Variants in PCDHA10 observed in about 807,000 individuals in gnomAD.
PCDHA10 encodes the protein protocadherin alpha 10.
A neutral mutation model predicts 61.2 loss-of-function variants in PCDHA10; 45 were observed. That is an observed-to-expected ratio of 0.74 (90% CI 0.58 to 0.94). PCDHA10 has a LOEUF of 0.94. Ranked by LOEUF, PCDHA10 falls within the 40% of genes least tolerant of loss-of-function variation. The pLI is 0.00. For missense variants in PCDHA10, 1,278 were observed against 1,236.2 expected (o/e 1.03, Z -0.51); for synonymous variants, 602 against 548.8 (o/e 1.10, Z -1.35).
chr5:140,892,424 C>T (rs1288815822), intron 1 of PCDHA10, among the ~76,000 whole-genome samples: 1 of 152,040 alleles, frequency 6.6e-6, no homozygotes, highest in Non-Finnish European at 1.5e-5. Context: ...CTAGATAAAA[C>T]CTCATTATCT....
intron 1 of PCDHA10, among the ~76,000 whole-genome samples, chr5:140,975,937 A>C (rs2096690423): frequency 1.3e-5 from 2 of 152,194 alleles, no homozygotes; most frequent in South Asian, 2.1e-4. Context: ...CTTTGAAGCA[A>C]TAGGACATAT....
At chr5:140,979,244 T>C (rs1214932523) in intron 2 of PCDHA10, among the ~76,000 whole-genome samples, 1 of 152,224 alleles carries the variant, frequency 6.6e-6, no homozygotes, top group African/African-American at 2.4e-5. Context: ...AGAAACAGGC[T>C]GCTATGTATT....
At chr5:140,859,490 G>A (rs2045887766) in intron 1 of PCDHA10, 1 of 204,502 alleles carries the variant, frequency 4.9e-6, no homozygotes, top group Non-Finnish European at 9.6e-6. Context: ...CCTGAAATTG[G>A]TTGTTACCTG....
intron 1 of PCDHA10, among the ~76,000 whole-genome samples, chr5:140,933,686 C>T (rs186587135): frequency 6.6e-6 from 1 of 151,890 alleles, no homozygotes; most frequent in Non-Finnish European, 1.5e-5. Flanking sequence ...ATTTTTTTTC[C>T]TATTCCTCGG....
At chr5:140,976,454 G>A (rs550788004) in intron 1 of PCDHA10, among the ~76,000 whole-genome samples, 18 of 152,214 alleles carry the variant, frequency 1.2e-4, no homozygotes, top group South Asian at 2.1e-4. Flanking sequence ...GGGAGGCTGG[G>A]GAAGAAGAAT....
intron 1 of PCDHA10, among the ~76,000 whole-genome samples, chr5:140,873,915 C>A (rs543062290): frequency 6.6e-6 from 1 of 152,284 alleles, no homozygotes; most frequent in Non-Finnish European, 1.5e-5. Flanking sequence ...CCTGCCTCAG[C>A]CTCCCAAAGT....
At chr5:140,993,437 C>A (rs1193523462) in intron 3 of PCDHA10, among the ~76,000 whole-genome samples, 1 of 150,056 alleles carries the variant, frequency 6.7e-6, no homozygotes, top group Non-Finnish European at 1.5e-5. Context: ...AATCCTTATT[C>A]ATTCCTGTTC....
intron 1 of PCDHA10, among the ~76,000 whole-genome samples, chr5:140,878,864 A>G (rs1465235970): frequency 1.3e-5 from 2 of 152,152 alleles, no homozygotes; most frequent in Non-Finnish European, 2.9e-5. Flanking sequence ...CTGATCCTCC[A>G]TTTCAGCCTT....
chr5:140,898,033 GTTGT>G (rs2066486498), intron 1 of PCDHA10, among the ~76,000 whole-genome samples: 1 of 152,032 alleles, frequency 6.6e-6, no homozygotes, highest in South Asian at 2.1e-4. Flanking sequence ...TTTTGATGGG[GTTGT>G]TTGTTTTTTT....
chr5:140,882,174 CG>C, intron 1 of PCDHA10: 1 of 1,514,752 alleles, frequency 6.6e-7, no homozygotes, highest in South Asian at 1.4e-5. Flanking sequence ...CGAATCCTTC[CG>C]CACTAGGAAG....
At chr5:140,958,135 G>T (rs868969031) in intron 1 of PCDHA10, among the ~76,000 whole-genome samples, 3 of 152,036 alleles carry the variant, frequency 2.0e-5, no homozygotes, top group Non-Finnish European at 4.4e-5. Context: ...GTATCAGTGT[G>T]TATATTTATA....
chr5:141,008,375 C>T (rs77600037), intron 3 of PCDHA10, among the ~76,000 whole-genome samples: 2,306 of 152,234 alleles, frequency 0.015, 24 homozygotes, highest in Middle Eastern at 0.031. Flanking sequence ...GTGTTAGATA[C>T]ATAAACATTG....
intron 3 of PCDHA10, among the ~76,000 whole-genome samples, chr5:140,983,980 G>A (rs1169839423): frequency 6.6e-6 from 1 of 152,286 alleles, no homozygotes; most frequent in African/African-American, 2.4e-5. Flanking sequence ...AAATATACGA[G>A]TTGAAGCAAT....
intron 1 of PCDHA10, chr5:140,871,169 A>AG: frequency 6.2e-7 from 1 of 1,613,520 alleles, no homozygotes; most frequent in Non-Finnish European, 8.5e-7. Flanking sequence ...GCGAGCCCAG[A>AG]GGCTGCGCTG....
intron 1 of PCDHA10, among the ~76,000 whole-genome samples, chr5:140,889,267 A>T (rs1376262292): frequency 6.6e-6 from 1 of 151,966 alleles, no homozygotes; most frequent in Non-Finnish European, 1.5e-5. Context: ...AAGTTTGTAT[A>T]ATCTTTGAAT....
chr5:140,996,678 G>T (rs922990686), intron 3 of PCDHA10, among the ~76,000 whole-genome samples: 28 of 152,162 alleles, frequency 1.8e-4, no homozygotes, highest in African/African-American at 6.7e-4. Context: ...AACCATGTTG[G>T]GCTAGTATTC....
At chr5:140,952,746 T>C (rs1554220596) in intron 1 of PCDHA10, among the ~76,000 whole-genome samples, 1 of 152,190 alleles carries the variant, frequency 6.6e-6, no homozygotes, top group Non-Finnish European at 1.5e-5. Context: ...CACACTGCTA[T>C]AAAAACACCT....
chr5:140,883,658 G>C (rs573544891), intron 1 of PCDHA10: 2 of 1,613,994 alleles, frequency 1.2e-6, no homozygotes, highest in African/African-American at 2.7e-5. Context: ...CACGGTGTTC[G>C]TGAAGGAAAA....
chr5:140,969,508 A>C, intron 1 of PCDHA10: 2 of 1,424,370 alleles, frequency 1.4e-6, no homozygotes, highest in South Asian at 1.5e-5. Context: ...GAAAAATAGC[A>C]CTAAAGAATT....
Sources: allele counts gnomAD v4.1 joint callset (sites outside exome capture counted in the v4.1 genomes callset), GRCh38; gene constraint gnomAD v4.1.1; transcripts MANE v1.5; gene names NCBI Gene and HGNC (gene_info 2026-07-23, HGNC 2026-07-21).